ATAD2B: variants seen among roughly 807,000 people sequenced by gnomAD.
ATAD2B encodes ATPase family AAA domain-containing protein 2B.
A neutral mutation model predicts 167.6 loss-of-function variants in ATAD2B; 40 were observed. The observed-to-expected ratio is 0.24, with a 90% CI of 0.19 to 0.31. The LOEUF is 0.31. ATAD2B is among the 10% of genes least tolerant of loss of function. The pLI, the probability that ATAD2B is intolerant of heterozygous loss-of-function variation, is 1.00. For missense variants in ATAD2B, 1,242 were observed against 1,757.2 expected (o/e 0.71, Z 5.24); for synonymous variants, 579 against 596.5 (o/e 0.97, Z 0.43).
chr2:23,797,233 G>A (rs555228889), intron 19 of ATAD2B, among the ~76,000 whole-genome samples: 18 of 151,976 alleles, frequency 1.2e-4, no homozygotes, highest in Non-Finnish European at 1.8e-4. Context: ...TTTGTCTCCT[G>A]GGGAAAATAT....
intron 22 of ATAD2B, among the ~76,000 whole-genome samples, chr2:23,781,736 C>CTT (rs112432597): frequency 0.02 from 2,922 of 144,484 alleles, 108 homozygotes; most frequent in African/African-American, 0.07. Context: ...ACTGCTGTTT[C>CTT]TTTTTTTTTT....
intron 4 of ATAD2B, among the ~76,000 whole-genome samples, 165 bp from the exon 5 acceptor site, chr2:23,885,994 G>C (rs1327157289): frequency 6.6e-6 from 1 of 151,986 alleles, no homozygotes; most frequent in Non-Finnish European, 1.5e-5. Flanking sequence ...ACCCAGGCTG[G>C]AGTGCAGTGG....
Position 23,906,103 on chromosome 2 carries a change from G to A in ATAD2B, c.217-10133C>T, listed in dbSNP as rs116069247. ...TGTAATCCCGATACTTTGGGAAGCA[G>A]AGGCGGGCAGATCAGTTGAGGTCAG... On this transcript the variant is annotated intron_variant, in intron 1 of 27. Transcript: ENST00000238789. Among the ~76,000 whole-genome samples, 902 of 152,222 alleles carry A rather than the reference G, an allele frequency of 5.9e-3. 5 individuals carry two copies. The highest frequency in any genetic ancestry group is 0.021 in the African/African-American group (869 of 41,534).
the ATAD2B span, among the ~76,000 whole-genome samples, chr2:23,700,050 T>C: frequency 5.6e-3 from 849 of 152,340 alleles, 8 homozygotes; most frequent in African/African-American, 0.02. The surrounding 1 kb of genome is among the most constrained non-coding windows in gnomAD (Gnocchi z 4.6). Context: ...CCTGTGCAAA[T>C]GGACTCCACG....
intron 17 of ATAD2B, among the ~76,000 whole-genome samples, chr2:23,816,358 T>G: frequency 6.6e-6 from 1 of 152,182 alleles, no homozygotes; most frequent in East Asian, 1.9e-4. Flanking sequence ...GAAACAAGTC[T>G]ATTGTTCATA....
At chr2:23,706,903 C>T in the ATAD2B span, 1 of 446,114 alleles carries the variant, frequency 2.2e-6, no homozygotes, top group Non-Finnish European at 3.9e-6. Flanking sequence ...GGCTGGCTGC[C>T]TCCTGAACAG....
chr2:23,913,923 C>T (rs758983145), intron 1 of ATAD2B, among the ~76,000 whole-genome samples: 8 of 151,926 alleles, frequency 5.3e-5, no homozygotes, highest in Admixed American at 1.3e-4. Flanking sequence ...GCTATGATCA[C>T]GCCAGGGCAC....
intron 15 of ATAD2B, among the ~76,000 whole-genome samples, chr2:23,826,097 CAAAA>C: frequency 6.7e-6 from 1 of 149,800 alleles, no homozygotes; most frequent in Non-Finnish European, 1.5e-5. Flanking sequence ...GAAACTGAAA[CAAAA>C]AAAAACAGAT....
chr2:23,743,163 T>C, the ATAD2B span, among the ~76,000 whole-genome samples: 4 of 150,126 alleles, frequency 2.7e-5, no homozygotes, highest in Non-Finnish European at 4.4e-5. Flanking sequence ...AAAATGACTA[T>C]GCAAGACCTT....
chr2:23,730,997 A>G, the ATAD2B span, among the ~76,000 whole-genome samples: 1 of 152,166 alleles, frequency 6.6e-6, no homozygotes, highest in Non-Finnish European at 1.5e-5. Flanking sequence ...TACAGATGAA[A>G]CAGAGATTAC....
intron 15 of ATAD2B, among the ~76,000 whole-genome samples, chr2:23,825,814 C>T (rs1688162416): frequency 6.6e-6 from 1 of 152,104 alleles, no homozygotes; most frequent in East Asian, 1.9e-4. Flanking sequence ...AAATAATTAG[C>T]CACTAGAAGG....
chr2:23,839,169 A>G (rs1572983391), intron 13 of ATAD2B, among the ~76,000 whole-genome samples: 3 of 152,124 alleles, frequency 2.0e-5, no homozygotes, highest in African/African-American at 2.4e-5. Flanking sequence ...TCCTACATAC[A>G]TAATTGCATC....
chr2:23,742,089 CTT>C, the ATAD2B span, among the ~76,000 whole-genome samples: 1 of 152,116 alleles, frequency 6.6e-6, no homozygotes, highest in Non-Finnish European at 1.5e-5. Context: ...AATAGGAACA[CTT>C]TTACACTGTT....
intron 1 of ATAD2B, among the ~76,000 whole-genome samples, chr2:23,922,037 A>AT (rs1394436255): frequency 1.3e-5 from 2 of 152,232 alleles, no homozygotes; most frequent in East Asian, 1.9e-4. Flanking sequence ...GGACCTAGGG[A>AT]TTTTTTTAAT....
intron 18 of ATAD2B, among the ~76,000 whole-genome samples, chr2:23,804,147 T>TTA (rs1476475236): frequency 2.6e-5 from 4 of 152,226 alleles, no homozygotes; most frequent in Non-Finnish European, 1.5e-5. Context: ...TTGTACCCAC[T>TTA]TATAACCTGG....
At chr2:23,902,959 G>A (rs1001419606) in intron 1 of ATAD2B, among the ~76,000 whole-genome samples, 6 of 152,148 alleles carry the variant, frequency 3.9e-5, no homozygotes, top group Non-Finnish European at 7.4e-5. Flanking sequence ...GTTTTTGGCC[G>A]GGCATGGTGG....
At chr2:23,875,739 G>T in intron 8 of ATAD2B, 90 bp downstream of exon 8, 1 of 853,364 alleles carries the variant, frequency 1.2e-6, no homozygotes, top group Non-Finnish European at 1.9e-6. Flanking sequence ...TAAATAGGAT[G>T]ACAACTGTTA....
chr2:23,685,845 A>G, the ATAD2B span, among the ~76,000 whole-genome samples: 1 of 152,198 alleles, frequency 6.6e-6, no homozygotes, highest in East Asian at 1.9e-4. Context: ...AGGGGCCCGC[A>G]TCGGGCTGCC....
chr2:23,770,127 T>C (rs1363225178), intron 22 of ATAD2B, among the ~76,000 whole-genome samples: 1 of 150,666 alleles, frequency 6.6e-6, no homozygotes, highest in Non-Finnish European at 1.5e-5. Context: ...CTGGCCAAAA[T>C]GGTGAAACCC....
Sources: allele counts gnomAD v4.1 joint callset (sites outside exome capture counted in the v4.1 genomes callset), GRCh38; gene constraint gnomAD v4.1.1; non-coding constraint Gnocchi (gnomAD v3.1); transcripts MANE v1.5; gene names NCBI Gene and HGNC (gene_info 2026-07-23, HGNC 2026-07-21).